Variants in OSBPL9 observed in about 807,000 individuals in gnomAD.
The protein encoded by OSBPL9 is oxysterol binding protein like 9.
In OSBPL9, 40 loss-of-function variants were observed where a neutral mutation model predicts 106.6. The ratio of observed to expected loss-of-function variants is 0.38; its 90% confidence interval spans 0.29 to 0.49. OSBPL9 has a LOEUF of 0.49. Among genes scored for constraint, OSBPL9 ranks in the 20% least tolerant of loss-of-function variants. The pLI is 0.97. For missense variants in OSBPL9, 609 were observed against 887.2 expected, an observed-to-expected ratio of 0.69 and a Z score of 3.98; for synonymous variants, 269 against 295.4, an observed-to-expected ratio of 0.91 and a Z score of 0.92.
At chr1:51,662,098 A>G (rs1342396593) in intron 2 of OSBPL9, among the ~76,000 whole-genome samples, 1 of 152,212 alleles carries the variant, frequency 6.6e-6, no homozygotes, top group African/African-American at 2.4e-5. Flanking sequence ...GAAGGTGAAG[A>G]AGAACCATTG....
chr1:51,722,975 C>G (rs568773816), intron 4 of OSBPL9, among the ~76,000 whole-genome samples: 276 of 152,332 alleles, frequency 1.8e-3, no homozygotes, highest in South Asian at 4.6e-3. Context: ...ACTATAACAA[C>G]AACAGCAACA....
At chr1:51,783,667 C>T (rs952667615) in intron 17 of OSBPL9, among the ~76,000 whole-genome samples, 27 of 152,152 alleles carry the variant, frequency 1.8e-4, no homozygotes, top group African/African-American at 6.5e-4. Context: ...ACAGATAGCC[C>T]TTTTGGTTTT....
intron 10 of OSBPL9, 100 bp downstream of exon 10, chr1:51,760,880 C>A: frequency 1.5e-6 from 2 of 1,317,950 alleles, no homozygotes; most frequent in East Asian, 4.9e-5. Context: ...TTTGATTTTC[C>A]TTGTTTTTAA....
intron 3 of OSBPL9, among the ~76,000 whole-genome samples, chr1:51,696,915 G>C (rs1656138225): frequency 6.6e-6 from 1 of 152,002 alleles, no homozygotes; most frequent in Non-Finnish European, 1.5e-5. Flanking sequence ...TGCTTGGGAG[G>C]CTTAGGCAGG....
At chr1:51,663,325 T>A (rs1298873259) in intron 2 of OSBPL9, among the ~76,000 whole-genome samples, 2 of 149,296 alleles carry the variant, frequency 1.3e-5, no homozygotes, top group African/African-American at 4.9e-5. Flanking sequence ...TGTGTGTGTG[T>A]AAAACGTGTG....
chr1:51,549,031 G>C, the OSBPL9 span, among the ~76,000 whole-genome samples: 3 of 152,122 alleles, frequency 2.0e-5, no homozygotes, highest in Non-Finnish European at 2.9e-5. Context: ...TTTCACAACA[G>C]GAAGACTCTC....
chr1:51,689,132 G>T (rs925686018), intron 3 of OSBPL9, among the ~76,000 whole-genome samples: 2 of 152,118 alleles, frequency 1.3e-5, no homozygotes, highest in African/African-American at 4.8e-5. Context: ...CAATGTGTAA[G>T]GAATAACATC....
chr1:51,586,730 C>G, intron 1 of OSBPL9, among the ~76,000 whole-genome samples: 1 of 152,166 alleles, frequency 6.6e-6, no homozygotes, highest in East Asian at 1.9e-4. Context: ...TAATGTTTTG[C>G]CCCAGTCCAC....
chr1:51,524,531 A>T, the OSBPL9 span, among the ~76,000 whole-genome samples: 1 of 152,238 alleles, frequency 6.6e-6, no homozygotes, highest in Non-Finnish European at 1.5e-5. Flanking sequence ...CAGAAACTAG[A>T]TAAGCATTAG....
chr1:51,700,312 C>T (rs1022349471), intron 3 of OSBPL9, among the ~76,000 whole-genome samples: 2 of 152,206 alleles, frequency 1.3e-5, no homozygotes, highest in African/African-American at 4.8e-5. Context: ...GCCCTCTTCA[C>T]CCTACTCAGG....
At chr1:51,674,512 A>G (rs1443911796) in intron 3 of OSBPL9, among the ~76,000 whole-genome samples, 1 of 152,192 alleles carries the variant, frequency 6.6e-6, no homozygotes, top group Non-Finnish European at 1.5e-5. Flanking sequence ...TCTGTGGGAC[A>G]CATAGATGAT....
At chr1:51,672,233 A>T (rs991781309) in intron 3 of OSBPL9, among the ~76,000 whole-genome samples, 2 of 152,206 alleles carry the variant, frequency 1.3e-5, no homozygotes, top group Non-Finnish European at 2.9e-5. Flanking sequence ...CTATTTCTGC[A>T]GTAAGAGGCT....
the OSBPL9 span, among the ~76,000 whole-genome samples, chr1:51,547,783 C>T: frequency 1.6e-4 from 24 of 151,850 alleles, no homozygotes; most frequent in Admixed American, 3.9e-4. Flanking sequence ...CCCAGGAGGT[C>T]GAAGCTGCAG....
In OSBPL9 at chr1:51,756,308, T is replaced by G. The variant is rs1305454652; in HGVS notation, c.544-12T>G. The G allele has an allele frequency of 1.2e-5, 20 of 1,609,050 alleles. No individual in the cohort carries two copies. The highest frequency in any genetic ancestry group is 1.7e-5 in the Non-Finnish European group (20 of 1,176,018). On this transcript the variant is annotated splice_polypyrimidine_tract_variant and intron_variant, in intron 8 of 23. Transcript: ENST00000428468. Reference sequence around the variant, plus strand: ...AAGAATGAAGTTAATATTTTTAACATTTTTCCTTAAGGACCAGAGTAATGC... The same window carrying G: ...AAGAATGAAGTTAATATTTTTAACAGTTTTCCTTAAGGACCAGAGTAATGC...
In OSBPL9 at chr1:51,786,586, T is replaced by C. The variant is rs1677690015; in HGVS notation, c.1969T>C (p.Leu657=). Residue 657 remains leucine, a synonymous_variant, in exon 22 of 24, where the codon TTG becomes CTG. Coordinates refer to ENST00000428468, the MANE Select transcript of OSBPL9 (RefSeq NM_024586.6). Reference sequence around the variant, plus strand: ...TATAATCAAGAAGAAAGTGAGGAAGTTGGAAGATCAGAACGAGTATGAATC... The same window carrying C: ...TATAATCAAGAAGAAAGTGAGGAAGCTGGAAGATCAGAACGAGTATGAATC... ...LPIIKKKVRK[L]EDQNEYESRS... is the part of the protein sequence containing the mutation. 2 of 1,612,818 alleles carry C rather than the reference T, an allele frequency of 1.2e-6. No homozygotes were observed. The highest frequency in any genetic ancestry group is 8.5e-7 in the Non-Finnish European group (1 of 1,178,974).
At chr1:51,550,122 G>A in the OSBPL9 span, among the ~76,000 whole-genome samples, 1 of 152,118 alleles carries the variant, frequency 6.6e-6, no homozygotes, top group Admixed American at 6.6e-5. Context: ...AGCAGTTTCC[G>A]CATCTGTAAA....
At chr1:51,778,584 A>G (rs1675594230) in intron 15 of OSBPL9, among the ~76,000 whole-genome samples, 1 of 152,252 alleles carries the variant, frequency 6.6e-6, no homozygotes, top group Admixed American at 6.5e-5. Flanking sequence ...AGAATAAATA[A>G]TACTCCTAAA....
chr1:51,522,942 A>C, the OSBPL9 span, among the ~76,000 whole-genome samples: 11 of 152,032 alleles, frequency 7.2e-5, no homozygotes, highest in African/African-American at 2.7e-4. Flanking sequence ...AGTTGGTTTG[A>C]CAGATATATT....
chr1:51,694,613 T>C (rs1655643724), intron 3 of OSBPL9, among the ~76,000 whole-genome samples: 2 of 152,256 alleles, frequency 1.3e-5, no homozygotes. Flanking sequence ...TGTGGCACTT[T>C]GAATAGATCT....
Sources: allele counts gnomAD v4.1 joint callset (sites outside exome capture counted in the v4.1 genomes callset), GRCh38; gene constraint gnomAD v4.1.1; transcripts MANE v1.5; gene names NCBI Gene and HGNC (gene_info 2026-07-23, HGNC 2026-07-21).